Variants in PTPRG observed in about 807,000 individuals in gnomAD.
The protein encoded by PTPRG is protein tyrosine phosphatase receptor type G.
In PTPRG, 102 loss-of-function variants were observed where a neutral mutation model predicts 165.3. The observed-to-expected ratio is 0.62, with a 90% CI of 0.53 to 0.73. The LOEUF (loss-of-function observed/expected upper bound fraction) is 0.73. Among genes scored for constraint, PTPRG ranks in the 30% least tolerant of loss-of-function variants. PTPRG has a pLI of 0.00. For synonymous variants in PTPRG, 675 were observed against 669.5 expected, an observed-to-expected ratio of 1.01 and a Z score of -0.13; for missense variants, 1,866 against 1,861.4, an observed-to-expected ratio of 1.00 and a Z score of -0.05.
chr3:61,900,805 A>G (rs928316966), intron 2 of PTPRG, among the ~76,000 whole-genome samples: 8 of 152,170 alleles, frequency 5.3e-5, no homozygotes, highest in Admixed American at 1.3e-4. Context: ...TTAAAAAAAA[A>G]AATCGTAGGT....
intron 1 of PTPRG, among the ~76,000 whole-genome samples, chr3:61,576,042 GC>G (rs1234816714): frequency 6.6e-6 from 1 of 152,206 alleles, no homozygotes; most frequent in Non-Finnish European, 1.5e-5. Flanking sequence ...ATGGGAGAGA[GC>G]TGGAGCTGTG....
At chr3:62,201,052 TGGACATTGACTA>T (rs1372718345) in intron 10 of PTPRG, among the ~76,000 whole-genome samples, 5 of 151,954 alleles carry the variant, frequency 3.3e-5, no homozygotes, top group Admixed American at 3.3e-4. Flanking sequence ...GGGGTGGAGG[TGGACATTGACTA>T]GATGAGGGCA....
At chr3:62,055,422 C>G (rs1700601382) in intron 4 of PTPRG, among the ~76,000 whole-genome samples, 1 of 152,146 alleles carries the variant, frequency 6.6e-6, no homozygotes, top group African/African-American at 2.4e-5. Flanking sequence ...AGTCACTCTG[C>G]TTTATTTTAT....
At chr3:62,128,331 A>C (rs2106914809) in intron 5 of PTPRG, among the ~76,000 whole-genome samples, 1 of 152,210 alleles carries the variant, frequency 6.6e-6, no homozygotes, top group East Asian at 1.9e-4. Flanking sequence ...GAAGGAAGCA[A>C]ATTTCAAGAG....
At chr3:62,118,940 C>G (rs765823496) in intron 5 of PTPRG, among the ~76,000 whole-genome samples, 1 of 152,232 alleles carries the variant, frequency 6.6e-6, no homozygotes, top group Non-Finnish European at 1.5e-5. Flanking sequence ...TCCTTAACGT[C>G]TTTTCCCTGC....
intron 2 of PTPRG, among the ~76,000 whole-genome samples, chr3:61,918,100 T>G (rs1010382064): frequency 3.9e-5 from 6 of 152,094 alleles, no homozygotes; most frequent in Non-Finnish European, 7.4e-5. Flanking sequence ...TATAACTTGG[T>G]CAGTGATAAA....
chr3:61,803,843 A>G (rs1575676653), intron 2 of PTPRG, among the ~76,000 whole-genome samples: 1 of 152,302 alleles, frequency 6.6e-6, no homozygotes, highest in East Asian at 1.9e-4. Context: ...TGGATAGTTA[A>G]AAGTTGCAAC....
intron 4 of PTPRG, among the ~76,000 whole-genome samples, chr3:62,033,113 A>G (rs772333848): frequency 4.6e-5 from 7 of 152,062 alleles, no homozygotes; most frequent in Non-Finnish European, 1.0e-4. Flanking sequence ...CAGCCCAGTT[A>G]CATCTGGAAA....
intron 1 of PTPRG, among the ~76,000 whole-genome samples, chr3:61,612,343 C>T (rs1346208035): frequency 6.6e-6 from 1 of 152,222 alleles, no homozygotes; most frequent in Non-Finnish European, 1.5e-5. Flanking sequence ...TGCGAAGCAT[C>T]TTTCTGTAAC....
chr3:61,714,794 C>T (rs2031732392), intron 1 of PTPRG, among the ~76,000 whole-genome samples: 1 of 152,174 alleles, frequency 6.6e-6, no homozygotes, highest in Non-Finnish European at 1.5e-5. Flanking sequence ...GACTTCCCTA[C>T]CTCTGAACTG....
In PTPRG at chr3:62,052,738, C is replaced by G. The variant is rs569613006; in HGVS notation, c.520-25425C>G. Among the ~76,000 whole-genome samples the G allele has an allele frequency of 5.1e-4, 77 of 152,162 alleles. 1 individual carries two copies. The highest frequency in any genetic ancestry group is 1.8e-3 in the African/African-American group (75 of 41,524). On this transcript the variant is annotated intron_variant, in intron 4 of 29. Coordinates refer to ENST00000474889, the MANE Select transcript of PTPRG (RefSeq NM_002841.4). ...AGAAATGGCCTGTCTTTGGAACTCT[C>G]TTGCTCACATTCTGGTACATTTGGT...
chr3:62,055,922 G>A (rs191590861), intron 4 of PTPRG, among the ~76,000 whole-genome samples: 1 of 152,306 alleles, frequency 6.6e-6, no homozygotes, highest in Admixed American at 6.5e-5. Context: ...TAAGGTGACA[G>A]TCATAGGTAT....
rs148467687 is a variant in PTPRG, at chr3:61,907,907, C to T, written c.191-81718C>T. Reference sequence around the variant, plus strand: ...TTGGAGGCCATGGTGGGAAAAATCACTTGAGGCCAGGAGTTTGATGCCAGC... The same window carrying T: ...TTGGAGGCCATGGTGGGAAAAATCATTTGAGGCCAGGAGTTTGATGCCAGC... On this transcript the variant is annotated intron_variant, in intron 2 of 29. Transcript: ENST00000474889. Among the ~76,000 whole-genome samples, 18 of 143,396 alleles carry T rather than the reference C, an allele frequency of 1.3e-4. No individual in the cohort carries two copies. In the East Asian group the frequency reaches 3.8e-3, roughly 31 times the overall value. 94.1% of individuals were successfully genotyped at this position (143,396 alleles called of 152,430 possible).
intron 2 of PTPRG, among the ~76,000 whole-genome samples, chr3:61,856,444 C>T (rs1006221486): frequency 1.3e-5 from 2 of 152,148 alleles, no homozygotes; most frequent in Admixed American, 6.5e-5. Context: ...TACATGGAAA[C>T]GAAGCCCACA....
At chr3:61,834,666 AG>A (rs2036408326) in intron 2 of PTPRG, among the ~76,000 whole-genome samples, 1 of 152,200 alleles carries the variant, frequency 6.6e-6, no homozygotes, top group Non-Finnish European at 1.5e-5. Flanking sequence ...TACAAAAATT[AG>A]CTGGGCATGG....
chr3:62,174,011 A>G (rs1461510954), intron 8 of PTPRG, among the ~76,000 whole-genome samples: 2 of 152,230 alleles, frequency 1.3e-5, no homozygotes, highest in Admixed American at 6.5e-5. Context: ...AATGGAAACA[A>G]TATTTAGGCT....
At position 62,237,429 on chromosome 3, in the gene PTPRG, A is replaced by G. The variant is rs542810733; in HGVS notation, c.2375+6118A>G. Among the ~76,000 whole-genome samples, 184 of 152,278 alleles carry G rather than the reference A, an allele frequency of 1.2e-3. No homozygotes were observed. The highest frequency in any genetic ancestry group is 2.9e-3 in the South Asian group (14 of 4,820). ...TGTGTTTCATTAGTCAAGAAGGCCA[A>G]TTAAACATACTGGAACCTGTCATGT... On this transcript the variant is annotated intron_variant, in intron 14 of 29. Transcript: ENST00000474889. The surrounding 1 kb of genome is among the most constrained non-coding windows in gnomAD (Gnocchi z 4.5).
chr3:61,845,533 A>G (rs903236367), intron 2 of PTPRG, among the ~76,000 whole-genome samples: 1 of 152,198 alleles, frequency 6.6e-6, no homozygotes, highest in South Asian at 2.1e-4. Context: ...TTAAAATCAC[A>G]TACTTCATCC....
intron 4 of PTPRG, among the ~76,000 whole-genome samples, chr3:62,037,930 T>C (rs1291892010): frequency 1.3e-5 from 2 of 152,130 alleles, no homozygotes; most frequent in African/African-American, 2.4e-5. Context: ...TCTTCAAATA[T>C]CATCACACTG....
Sources: gnomAD v4.1 joint callset for allele counts (sites outside exome capture counted in the v4.1 genomes callset) on GRCh38, gnomAD v4.1.1 for gene constraint, Gnocchi (gnomAD v3.1) non-coding constraint, MANE v1.5 for transcripts, NCBI Gene and HGNC (gene_info 2026-07-23, HGNC 2026-07-21) for gene names.